PRPF3: variants seen among roughly 807,000 people sequenced by gnomAD.
PRPF3 encodes the protein U4/U6 small nuclear ribonucleoprotein Prp3.
A neutral mutation model predicts 89.2 loss-of-function variants in PRPF3; 3 were observed. The observed-to-expected ratio is 0.03, with a 90% confidence interval of 0.02 to 0.09. The LOEUF is 0.09. Ranked by LOEUF, PRPF3 falls within the 10% of genes least tolerant of loss-of-function variation. The probability of loss-of-function intolerance (pLI) is 1.00; values close to 1 mark genes in which losing one functional copy is unlikely to be tolerated. For synonymous variants in PRPF3, 270 were observed against 289.1 expected (o/e 0.93, Z 0.67); for missense variants, 463 against 828.8 (o/e 0.56, Z 5.42).
Position 150,325,736 on chromosome 1 carries a change from C to A in PRPF3, c.146-15C>A, listed in dbSNP as rs1655645347. ...CTTACCTTTCCAACCCTACCACCGC[C>A]TTTCTTCCTGTCAGATCATCTGAAA... On this transcript the variant is annotated splice_polypyrimidine_tract_variant and intron_variant, in intron 2 of 15. Coordinates refer to ENST00000324862, the MANE Select transcript of PRPF3 (RefSeq NM_004698.4). 2 of 1,611,008 alleles carry A rather than the reference C, an allele frequency of 1.2e-6. No homozygotes were observed. Among genetic ancestry groups the A allele is most frequent in the South Asian group, 1.1e-5 (1 of 90,826 alleles).
At chr1:150,351,532 G>C (rs946167986) in intron 15 of PRPF3, among the ~76,000 whole-genome samples, 3 of 151,382 alleles carry the variant, frequency 2.0e-5, no homozygotes, top group Non-Finnish European at 4.4e-5. Context: ...ATAGGGTCTT[G>C]CTCTATTGCT....
intron 3 of PRPF3, among the ~76,000 whole-genome samples, chr1:150,326,363 A>T (rs782311228): frequency 1.5e-4 from 23 of 152,162 alleles, no homozygotes; most frequent in Non-Finnish European, 2.8e-4. Context: ...TTGAGAGCTT[A>T]CCATTTGCTC....
chr1:150,335,314 T>G, intron 7 of PRPF3, 73 bp downstream of exon 7: 21 of 1,516,400 alleles, frequency 1.4e-5, no homozygotes, highest in Non-Finnish European at 1.6e-5. Flanking sequence ...GTTAAATCTC[T>G]GTGTTCTAGG....
intron 2 of PRPF3, 144 bp downstream of exon 2, chr1:150,325,231 G>A (rs1191350174): frequency 2.3e-6 from 2 of 882,820 alleles, no homozygotes; most frequent in Admixed American, 3.1e-5. Context: ...AGTGAAAATA[G>A]GCTAAATAAT....
At chr1:150,335,619 C>G (rs903112556) in intron 7 of PRPF3, among the ~76,000 whole-genome samples, 1 of 152,156 alleles carries the variant, frequency 6.6e-6, no homozygotes, top group Middle Eastern at 3.4e-3. Flanking sequence ...GCATGTGCCA[C>G]CACGCCTGGC....
At chr1:150,342,525 C>A (rs1657863448) in intron 9 of PRPF3, among the ~76,000 whole-genome samples, 2 of 149,722 alleles carry the variant, frequency 1.3e-5, no homozygotes, top group Non-Finnish European at 3.0e-5. Flanking sequence ...CACACACACA[C>A]ATGTTTTTTG....
At position 150,348,208 on chromosome 1, in the gene PRPF3, G is replaced by A. The variant is rs184297883; in HGVS notation, c.1844-949G>A. Among the ~76,000 whole-genome samples, 245 of 151,820 alleles carry A rather than the reference G, an allele frequency of 1.6e-3. 5 individuals carry two copies. The South Asian group carries it at 0.042, about 26-fold the overall frequency. On this transcript the variant is annotated intron_variant, in intron 14 of 15. Coordinates refer to ENST00000324862, the MANE Select transcript of PRPF3 (RefSeq NM_004698.4). ...GACCAGCCTGACATGGTGAAACCCC[G>A]TCTCTACTAAAAAATACAAAAATGA... is the stretch of plus-strand genomic sequence containing the variant.
intron 4 of PRPF3, among the ~76,000 whole-genome samples, chr1:150,331,925 T>A (rs71515775): frequency 0.077 from 11,672 of 151,584 alleles, 563 homozygotes; most frequent in Non-Finnish European, 0.093. Flanking sequence ...CATGATTTTT[T>A]AAAAAAAATT....
At position 150,346,055 on chromosome 1, in the gene PRPF3, A is replaced by G. The variant is rs2102016832; in HGVS notation, c.1678A>G (p.Ile560Val). Residue 560 changes from isoleucine to valine, a missense_variant, in exon 13 of 16, where the codon ATT becomes GTT. Physicochemically the swap from Ile to Val is conservative, Grantham distance 29. Around this residue, in one of 8 missense-constraint regions of PRPF3, gnomAD observed 261 missense variants for 475.8 expected, o/e 0.55. Transcript: ENST00000324862. ...GAGCAACCCAGCCAAGAAGTTCAAGATTGAAGCCAATGCTGGGCAACTGTA... is the reference window on the plus strand; with the variant it reads ...GAGCAACCCAGCCAAGAAGTTCAAGGTTGAAGCCAATGCTGGGCAACTGTA... ...NLSNPAKKFK[I>V]EANAGQLYLT... 1 of 1,614,168 alleles carries G rather than the reference A, an allele frequency of 6.2e-7. No homozygotes were observed. Among genetic ancestry groups the G allele is most frequent in the African/African-American group, 1.3e-5 (1 of 75,056 alleles).
Position 150,335,143 on chromosome 1 carries a change from C to T in PRPF3, c.937C>T (p.Pro313Ser), listed in dbSNP as rs1489549828. 7 of 1,613,674 alleles carry T rather than the reference C, an allele frequency of 4.3e-6. No homozygotes were observed. In the African/African-American group the frequency reaches 9.4e-5, roughly 22 times the overall value. The change falls in exon 7 of 16, where the codon CCC becomes TCC. Residue 313 changes from proline (P) to serine (S), a missense_variant. By Grantham distance (74) the Pro-to-Ser change is moderately conservative (BLOSUM62 -1). Transcript: ENST00000324862. ...CATGGAATCCAATACCTTTTTTGAC[C>T]CCCGAGTCTCCATTGCCCCTTCCCA... Reference protein sequence around the residue: ...EDMESNTFFDPRVSIAPSQRQ... With the variant: ...EDMESNTFFDSRVSIAPSQRQ...
intron 4 of PRPF3, among the ~76,000 whole-genome samples, 175 bp downstream of exon 4, chr1:150,328,641 C>T (rs1553864574): frequency 6.7e-6 from 1 of 148,962 alleles, no homozygotes; most frequent in African/African-American, 2.5e-5. Flanking sequence ...CAACCTCCGC[C>T]TCCCGGGTTC....
At chr1:150,328,118 A>G (rs1473389250) in intron 3 of PRPF3, 1 of 585,264 alleles carries the variant, frequency 1.7e-6, no homozygotes, top group East Asian at 2.9e-5. Flanking sequence ...TGGGAATGAA[A>G]TTTGTTTGAC....
At chr1:150,333,983 C>G (rs1241713859) in intron 6 of PRPF3, among the ~76,000 whole-genome samples, 1 of 152,124 alleles carries the variant, frequency 6.6e-6, no homozygotes, top group Non-Finnish European at 1.5e-5. Context: ...GTCCTGTATA[C>G]TGAAATATCC....
At chr1:150,347,124 A>T (rs782508895) in intron 14 of PRPF3, among the ~76,000 whole-genome samples, 8 of 152,148 alleles carry the variant, frequency 5.3e-5, no homozygotes, top group Admixed American at 1.3e-4. Flanking sequence ...AGTAAGCTAT[A>T]CATTCATGTG....
chr1:150,352,946 G>C lies in PRPF3; in HGVS notation c.2019G>C (p.Ala673=). 6.2e-7 allele frequency: 1 copy of C among 1,614,100 alleles called. No individual in the cohort carries two copies. The highest frequency in any genetic ancestry group is 8.5e-7 in the Non-Finnish European group (1 of 1,180,008). Residue 673 remains alanine, a synonymous_variant, in exon 16 of 16, where the codon GCG becomes GCC. Transcript: ENST00000324862. The part of the protein sequence containing the change: ...KHGAEHYWDL[A]LSESVLESTD ...GGGCTGAACACTACTGGGACCTTGC[G>C]CTGAGTGAATCTGTGTTAGAGTCCA...
intron 12 of PRPF3, 127 bp downstream of exon 12, chr1:150,344,674 A>G (rs1658103030): frequency 1.0e-6 from 1 of 1,002,964 alleles, no homozygotes; most frequent in East Asian, 2.7e-5. Flanking sequence ...TAATGACCCT[A>G]GTGTGGATCA....
chr1:150,338,495 G>GTATTTTT lies in PRPF3; in HGVS notation c.1202+170_1202+171insATTTTTT, dbSNP rs1467846345. ...GATAAGTAACTGTACACAAGGTCCT[G>GTATTTTT]TTATTTTTTTTTTTTTTTTTTTTGA... On this transcript the variant is annotated intron_variant, in intron 8 of 15. Transcript: ENST00000324862. 8.4e-5 allele frequency among the ~76,000 whole-genome samples: 3 copies of GTATTTTT among 35,760 alleles called. 1 individual carries two copies. The highest frequency in any genetic ancestry group is 5.8e-5 in the Non-Finnish European group (1 of 17,264). The allele number at this position is 35,760 out of a possible 152,430, so 23.5% of individuals were successfully genotyped here.
In PRPF3 at chr1:150,352,880, T is replaced by C; in HGVS notation, c.1953T>C (p.Cys651=). The change falls in exon 16 of 16, where the codon TGT becomes TGC. Residue 651 remains cysteine (C), a synonymous_variant. Coordinates refer to ENST00000324862, the MANE Select transcript of PRPF3 (RefSeq NM_004698.4). Reference sequence around the variant, plus strand: ...TTGGAGAGATGAAGTTTAAACAGTGTCCTACAGAGAACATGGCTCGTGAGC... The same window carrying C: ...TTGGAGAGATGAAGTTTAAACAGTGCCCTACAGAGAACATGGCTCGTGAGC... ...RSFGEMKFKQ[C]PTENMAREHF... 1 of 1,614,158 alleles carries C rather than the reference T, an allele frequency of 6.2e-7. No individual in the cohort carries two copies. The highest frequency in any genetic ancestry group is 8.5e-7 in the Non-Finnish European group (1 of 1,180,030).
intron 4 of PRPF3, among the ~76,000 whole-genome samples, chr1:150,331,737 T>C (rs1448879228): frequency 1.3e-5 from 2 of 152,166 alleles, no homozygotes; most frequent in African/African-American, 2.4e-5. Flanking sequence ...TTTAAAAATA[T>C]CTTGAAGCAG....
Sources: allele counts gnomAD v4.1 joint callset (sites outside exome capture counted in the v4.1 genomes callset), GRCh38; gene constraint gnomAD v4.1.1; regional missense constraint gnomAD v4.1.1; transcripts MANE v1.5; gene names NCBI Gene and HGNC (gene_info 2026-07-23, HGNC 2026-07-21).